Variants in ZNF346 observed in about 807,000 individuals in gnomAD.
ZNF346 encodes the protein double-stranded RNA-binding zinc finger protein JAZ.
In ZNF346, 23 loss-of-function variants were observed where a neutral mutation model predicts 33.7. The observed-to-expected ratio is 0.68, with a 90% CI of 0.49 to 0.97. ZNF346 has a LOEUF of 0.97. Ranked by LOEUF, ZNF346 falls within the 50% of genes least tolerant of loss-of-function variation. The probability of loss-of-function intolerance (pLI) is 0.00; values close to 1 mark genes in which losing one functional copy is unlikely to be tolerated. For missense variants in ZNF346, 340 were observed against 371.1 expected (o/e 0.92, Z 0.69); for synonymous variants, 134 against 142.4 (o/e 0.94, Z 0.42).
intron 1 of ZNF346, among the ~76,000 whole-genome samples, chr5:177,037,406 C>T (rs1197198530): frequency 1.3e-5 from 2 of 152,200 alleles, no homozygotes; most frequent in South Asian, 2.1e-4. Context: ...AGATCTGAAT[C>T]TCCAACTCAT....
intron 5 of ZNF346, among the ~76,000 whole-genome samples, chr5:177,051,365 C>T (rs1185774306): frequency 3.3e-5 from 5 of 151,026 alleles, no homozygotes; most frequent in East Asian, 1.9e-4. Flanking sequence ...TTAGTAGAGA[C>T]GGGGTTTCAC....
Position 177,064,638 on chromosome 5 carries a change from G to C in ZNF346, c.*39G>C. ...CAGCATCCCATATTGGGCCAGCCAT[G>C]AGCCAGCTTCCCGTGACTGCTCAGC... On this transcript the variant is annotated 3_prime_UTR_variant, in exon 7 of 7. Coordinates refer to ENST00000358149, the MANE Select transcript of ZNF346 (RefSeq NM_012279.4). 1 of 1,546,542 alleles carries C rather than the reference G, an allele frequency of 6.5e-7. No individual in the cohort carries two copies. The highest frequency in any genetic ancestry group is 8.9e-7 in the Non-Finnish European group (1 of 1,118,224).
intron 5 of ZNF346, among the ~76,000 whole-genome samples, chr5:177,055,605 C>T (rs1478534701): frequency 6.6e-6 from 1 of 152,020 alleles, no homozygotes; most frequent in Non-Finnish European, 1.5e-5. Flanking sequence ...TTTGAACCGG[C>T]AAAGTATCTC....
downstream of ZNF346, among the ~76,000 whole-genome samples, chr5:177,068,734 C>T (rs762600688): frequency 1.1e-4 from 16 of 141,796 alleles, 4 homozygotes; most frequent in African/African-American, 6.1e-5. Context: ...GATACAACCC[C>T]AAAAGAAGAA....
In ZNF346 at chr5:177,034,465, G is replaced by A. The variant is rs116508357; in HGVS notation, c.176-6661G>A. ...GGTTCTTGAACTCCTGGGCTCAAGC[G>A]GTCCTTCCACCTCAGCCTCCCAAAG... On this transcript the variant is annotated intron_variant, in intron 1 of 6. Coordinates refer to ENST00000358149, the MANE Select transcript of ZNF346 (RefSeq NM_012279.4). Among the ~76,000 whole-genome samples, 1,477 of 152,130 alleles carry A rather than the reference G, an allele frequency of 9.7e-3. 32 individuals carry two copies. Among genetic ancestry groups the A allele is most frequent in the African/African-American group, 0.034 (1,406 of 41,510 alleles).
At chr5:177,034,972 AT>A (rs1305813075) in intron 1 of ZNF346, among the ~76,000 whole-genome samples, 1 of 151,760 alleles carries the variant, frequency 6.6e-6, no homozygotes, top group Non-Finnish European at 1.5e-5. Context: ...CCAACCTAGT[AT>A]CATACTTTCA....
At position 177,038,872 on chromosome 5, in the gene ZNF346, CTTCTT is replaced by C. The variant is rs1778925903; in HGVS notation, c.176-2253_176-2249del. Reference sequence around the variant, plus strand: ...CTTTTTTTTCTTCTTTTTTCTTCTTCTTCTTGTGTGTGTGTGTGTGTGTGTGTGTG... The same window carrying C: ...CTTTTTTTTCTTCTTTTTTCTTCTTCGTGTGTGTGTGTGTGTGTGTGTGTG... On this transcript the variant is annotated intron_variant, in intron 1 of 6. Transcript: ENST00000358149. Among the ~76,000 whole-genome samples, 10 of 111,754 alleles carry C rather than the reference CTTCTT, an allele frequency of 8.9e-5. No individual in the cohort carries two copies. The Admixed American group carries it at 9.5e-4, about 11-fold the overall frequency. The allele number at this position is 111,754 out of a possible 152,430, so 73.3% of individuals were successfully genotyped here.
chr5:177,067,255 T>G lies in ZNF346; in HGVS notation c.*2656T>G. ...AAGACCCTGTCTCTAAAAATAATAATTTTTAAAATTTAAAAAAAGAAAGGA... is the reference window on the plus strand; with the variant it reads ...AAGACCCTGTCTCTAAAAATAATAAGTTTTAAAATTTAAAAAAAGAAAGGA... On this transcript the variant is annotated 3_prime_UTR_variant, in exon 7 of 7. Coordinates refer to ENST00000358149, the MANE Select transcript of ZNF346 (RefSeq NM_012279.4). 6.6e-6 allele frequency among the ~76,000 whole-genome samples: 1 copy of G among 152,076 alleles called. No individual in the cohort carries two copies. Among genetic ancestry groups the G allele is most frequent in the Middle Eastern group, 3.2e-3 (1 of 316 alleles).
exon 9 of ZNF346, chr5:177,081,186 G>GT (rs1783963894): frequency 8.5e-6 from 1 of 118,318 alleles, no homozygotes; most frequent in South Asian, 2.6e-4. Context: ...AATAAAACTT[G>GT]TTTAAAAAAA....
intron 1 of ZNF346, among the ~76,000 whole-genome samples, chr5:177,031,688 A>ACT (rs948413859): frequency 1.3e-5 from 2 of 149,968 alleles, no homozygotes; most frequent in African/African-American, 2.5e-5. Flanking sequence ...ATTTTTTTCT[A>ACT]CTCTCTCTCT....
chr5:177,040,676 G>C (rs1581847857), intron 1 of ZNF346, among the ~76,000 whole-genome samples: 1 of 152,050 alleles, frequency 6.6e-6, no homozygotes, highest in African/African-American at 2.4e-5. Flanking sequence ...TTCAAAGTCA[G>C]ATCAAGAACA....
At chr5:177,055,258 T>A (rs1046190249) in intron 5 of ZNF346, among the ~76,000 whole-genome samples, 10 of 152,100 alleles carry the variant, frequency 6.6e-5, no homozygotes, top group African/African-American at 2.4e-4. Context: ...GGTCTCAAAC[T>A]ACTGACCTCA....
At chr5:177,039,357 T>TCTG (rs1052876663) in intron 1 of ZNF346, among the ~76,000 whole-genome samples, 8 of 152,136 alleles carry the variant, frequency 5.3e-5, no homozygotes, top group Non-Finnish European at 7.3e-5. Flanking sequence ...ATACAGCCCT[T>TCTG]CTGCCTAAAA....
chr5:177,069,331 C>T (rs1437410130), downstream of ZNF346, among the ~76,000 whole-genome samples: 1 of 151,860 alleles, frequency 6.6e-6, no homozygotes, highest in Non-Finnish European at 1.5e-5. Flanking sequence ...GTGGTGGATG[C>T]CTGTAATCTC....
chr5:177,054,660 A>G (rs543186861), intron 5 of ZNF346, among the ~76,000 whole-genome samples: 79 of 152,150 alleles, frequency 5.2e-4, no homozygotes, highest in African/African-American at 1.9e-3. Flanking sequence ...CAGCCTCCCA[A>G]AGTGCTGGGA....
At chr5:177,052,743 A>G (rs1326839329) in intron 5 of ZNF346, 1 of 152,196 alleles carries the variant, frequency 6.6e-6, no homozygotes, top group East Asian at 1.9e-4. Context: ...AAAAACTACT[A>G]AAACTACACG....
chr5:177,027,323 A>G (rs1442472527), intron 1 of ZNF346, among the ~76,000 whole-genome samples: 1 of 152,158 alleles, frequency 6.6e-6, no homozygotes, highest in Admixed American at 6.5e-5. Flanking sequence ...TGCTGGGATT[A>G]CAGGGGTGAG....
rs917409040 is a variant in ZNF346 at position 177,064,750 on chromosome 5, C to T, written c.*151C>T. Reference sequence around the variant, plus strand: ...GGCCACAGACAGCCTCTCATTGGTCCGGGCTAATTCACTCCTGCTGCTCCC... The same window carrying T: ...GGCCACAGACAGCCTCTCATTGGTCTGGGCTAATTCACTCCTGCTGCTCCC... On this transcript the variant is annotated 3_prime_UTR_variant, in exon 7 of 7. Coordinates refer to ENST00000358149, the MANE Select transcript of ZNF346 (RefSeq NM_012279.4). 2.5e-5 allele frequency: 16 copies of T among 647,946 alleles called. No individual in the cohort carries two copies. Among genetic ancestry groups the T allele is most frequent in the Middle Eastern group, 4.0e-4 (1 of 2,470 alleles). The allele number at this position is 647,946 out of a possible 1,614,324, so 40.1% of individuals were successfully genotyped here. A position where few individuals can be genotyped will look rare whatever the true frequency, so the allele number is the denominator to read the frequency against.
intron 1 of ZNF346, among the ~76,000 whole-genome samples, chr5:177,025,331 C>G (rs1348330753): frequency 6.6e-6 from 1 of 152,132 alleles, no homozygotes; most frequent in Non-Finnish European, 1.5e-5. Flanking sequence ...TGGATTGTTT[C>G]CAGTTTGGAG....
Sources: allele counts gnomAD v4.1 joint callset (sites outside exome capture counted in the v4.1 genomes callset), GRCh38; gene constraint gnomAD v4.1.1; transcripts MANE v1.5; gene names NCBI Gene and HGNC (gene_info 2026-07-23, HGNC 2026-07-21).